Variants in ITSN2 observed in about 807,000 individuals in gnomAD.
ITSN2 encodes intersectin 2.
Under a neutral mutation model 243.7 loss-of-function variants are expected in ITSN2, and 156 were observed. The ratio of observed to expected loss-of-function variants is 0.64; its 90% CI spans 0.56 to 0.73. ITSN2 has a LOEUF of 0.73. Among genes scored for constraint, ITSN2 ranks in the 30% least tolerant of loss-of-function variants. The pLI, the probability that ITSN2 is intolerant of heterozygous loss-of-function variation, is 0.00. For synonymous variants in ITSN2, 703 were observed against 699.9 expected, an observed-to-expected ratio of 1.00 and a Z score of -0.07; for missense variants, 1,801 against 1,996.1, an observed-to-expected ratio of 0.90 and a Z score of 1.86.
Position 24,312,291 on chromosome 2 carries a change from T to G in ITSN2, c.273A>C (p.Gln91His). Reference sequence around the variant, plus strand: ...GGAGAACCACAGGCAACTGTTGGCCTTGAAGCTTCAGTTTGATGAGTTTCA... The same window carrying G: ...GGAGAACCACAGGCAACTGTTGGCCGTGAAGCTTCAGTTTGATGAGTTTCA... ...IAMKLIKLKL[Q>H]GQQLPVVLPP... The change falls in exon 5 of 40, where the codon CAA (glutamine) becomes CAC (histidine). Residue 91 changes from glutamine to histidine, a missense_variant. Transcript: ENST00000355123. 1.2e-6 allele frequency: 2 copies of G among 1,613,764 alleles called. No homozygotes were observed. Among genetic ancestry groups the G allele is most frequent in the East Asian group, 4.5e-5 (2 of 44,866 alleles).
At chr2:24,289,862 A>G (rs542706729) in intron 15 of ITSN2, among the ~76,000 whole-genome samples, 15 of 152,318 alleles carry the variant, frequency 9.8e-5, no homozygotes, top group Non-Finnish European at 1.0e-4. Flanking sequence ...TCTTCTTCCA[A>G]TGTGACCCAG....
intron 25 of ITSN2, among the ~76,000 whole-genome samples, chr2:24,250,332 G>A (rs1362172016): frequency 6.6e-6 from 1 of 152,158 alleles, no homozygotes; most frequent in Non-Finnish European, 1.5e-5. Context: ...TCCCTTCAAG[G>A]AAAACAGCTG....
intron 27 of ITSN2, 127 bp downstream of exon 27, chr2:24,248,502 T>C (rs909558241): frequency 3.7e-5 from 24 of 653,764 alleles, no homozygotes; most frequent in Middle Eastern, 4.5e-4. Context: ...CAGTAAAATA[T>C]TGATATTGAT....
chr2:24,316,439 C>T (rs1420530790), intron 2 of ITSN2, among the ~76,000 whole-genome samples: 1 of 152,134 alleles, frequency 6.6e-6, no homozygotes, highest in African/African-American at 2.4e-5. Context: ...CGCCACCACA[C>T]ACCCGGCTAA....
At chr2:24,236,107 C>T (rs923122152) in intron 29 of ITSN2, among the ~76,000 whole-genome samples, 1 of 10,904 alleles carries the variant, frequency 9.2e-5, no homozygotes, top group Non-Finnish European at 2.0e-4. Context: ...CAAATGTCCA[C>T]TAAATAATGA....
intron 1 of ITSN2, chr2:24,330,363 T>C (rs1055952604): frequency 7.6e-6 from 4 of 527,932 alleles, no homozygotes; most frequent in Non-Finnish European, 1.4e-5. Context: ...CACTGCATCC[T>C]GTGCCAAGTG....
chr2:24,287,551 A>G (rs1679670264), intron 15 of ITSN2, among the ~76,000 whole-genome samples: 1 of 152,142 alleles, frequency 6.6e-6, no homozygotes, highest in Admixed American at 6.5e-5. Context: ...CTTTGAATAT[A>G]TATTCAGAAG....
intron 20 of ITSN2, among the ~76,000 whole-genome samples, chr2:24,263,761 T>A (rs1449096644): frequency 1.3e-5 from 2 of 152,216 alleles, no homozygotes; most frequent in Admixed American, 1.3e-4. Context: ...TGCTAAGTAA[T>A]ATTATATCAT....
At chr2:24,312,139 T>C (rs1208647354) in intron 5 of ITSN2, 73 bp downstream of exon 5, 2 of 1,253,736 alleles carry the variant, frequency 1.6e-6, no homozygotes, top group East Asian at 2.5e-5. Flanking sequence ...ACAAATCCTT[T>C]TCTAATACTC....
At position 24,225,892 on chromosome 2, in the gene ITSN2, T is replaced by G. The variant is rs1262179803; in HGVS notation, c.3578-4826A>C. Reference sequence around the variant, plus strand: ...GAAAAGTCCTGATGAACTGAGGAATTCGGGTTTTATGGATAGGATACACCC... The same window carrying G: ...GAAAAGTCCTGATGAACTGAGGAATGCGGGTTTTATGGATAGGATACACCC... On this transcript the variant is annotated intron_variant, in intron 29 of 39. Transcript: ENST00000355123. The surrounding 1 kb of genome is among the most constrained non-coding windows in gnomAD (Gnocchi z 4.2). Among the ~76,000 whole-genome samples the G allele has an allele frequency of 6.6e-6, 1 of 152,180 alleles. No individual in the cohort carries two copies. The highest frequency in any genetic ancestry group is 1.5e-5 in the Non-Finnish European group (1 of 68,038).
chr2:24,305,642 T>G (rs1281430414), intron 8 of ITSN2, among the ~76,000 whole-genome samples: 1 of 132,538 alleles, frequency 7.5e-6, no homozygotes, highest in East Asian at 2.4e-4. Flanking sequence ...AACAAACATA[T>G]AAGTCCAGGT....
At chr2:24,221,111 T>G (rs371451294) in intron 29 of ITSN2, 45 bp from the exon 30 acceptor site, 1 of 1,568,668 alleles carries the variant, frequency 6.4e-7, no homozygotes, top group African/African-American at 1.4e-5. Flanking sequence ...TTAGTCAACT[T>G]TGTAGAAAAT....
chr2:24,257,267 C>T (rs1254316996), intron 23 of ITSN2, among the ~76,000 whole-genome samples: 2 of 151,970 alleles, frequency 1.3e-5, no homozygotes, highest in Non-Finnish European at 1.5e-5. Flanking sequence ...CTGCAGTGAG[C>T]CATGATCCAC....
intron 1 of ITSN2, among the ~76,000 whole-genome samples, chr2:24,337,613 G>C (rs1686596822): frequency 6.8e-6 from 1 of 146,660 alleles, no homozygotes; most frequent in African/African-American, 2.5e-5. Context: ...GCCTCCCAGA[G>C]TGCTGGGATT....
At chr2:24,254,471 A>C in intron 23 of ITSN2, 40 bp from the exon 24 acceptor site, 2 of 1,485,858 alleles carry the variant, frequency 1.3e-6, no homozygotes, top group Non-Finnish European at 1.9e-6. Context: ...AAACAAACAA[A>C]TACAAGCAAA....
chr2:24,255,362 CA>C (rs1442966420), intron 23 of ITSN2, among the ~76,000 whole-genome samples: 3 of 152,184 alleles, frequency 2.0e-5, no homozygotes, highest in African/African-American at 7.2e-5. Flanking sequence ...GGTGTGGTGG[CA>C]AACACCTGTA....
At chr2:24,256,624 C>G (rs1217941951) in intron 23 of ITSN2, among the ~76,000 whole-genome samples, 3 of 152,270 alleles carry the variant, frequency 2.0e-5, no homozygotes, top group Non-Finnish European at 4.4e-5. Context: ...TAGTTTTTAG[C>G]TTTTTTCATT....
At chr2:24,321,135 G>C (rs1684527171) in intron 2 of ITSN2, among the ~76,000 whole-genome samples, 1 of 152,196 alleles carries the variant, frequency 6.6e-6, no homozygotes, top group Non-Finnish European at 1.5e-5. Context: ...GACTATCTCT[G>C]AGGATGTCTG....
At chr2:24,239,378 C>A (rs1672492095) in intron 29 of ITSN2, 1 of 151,948 alleles carries the variant, frequency 6.6e-6, no homozygotes, top group African/African-American at 2.4e-5. Flanking sequence ...ATATCAGTTA[C>A]ATTTTTAATA....
Sources: gnomAD v4.1 joint callset for allele counts (sites outside exome capture counted in the v4.1 genomes callset) on GRCh38, gnomAD v4.1.1 for gene constraint, Gnocchi (gnomAD v3.1) non-coding constraint, MANE v1.5 for transcripts, NCBI Gene and HGNC (gene_info 2026-07-23, HGNC 2026-07-21) for gene names.